The following NELL1 variants were observed in gnomAD, a reference collection of about 807,000 sequenced individuals.
The protein encoded by NELL1 is neural EGFL like 1, also known as protein kinase C-binding protein NELL1.
Under a neutral mutation model 107.4 loss-of-function variants are expected in NELL1, and 76 were observed. The ratio of observed to expected loss-of-function variants is 0.71; its 90% CI spans 0.59 to 0.86. The LOEUF (loss-of-function observed/expected upper bound fraction) is 0.86. NELL1 is among the 40% of genes least tolerant of loss of function. The pLI is 0.00. For synonymous variants in NELL1, 353 were observed against 341.2 expected (o/e 1.03, Z -0.38); for missense variants, 1,024 against 1,005.5 (o/e 1.02, Z -0.25).
chr11:21,449,541 A>G lies in NELL1; in HGVS notation c.1645+78593A>G, dbSNP rs1304585310. On this transcript the variant is annotated intron_variant, in intron 15 of 19. Transcript: ENST00000357134. ...TTTTTATTTTTAACAGTTTCTTTGAAGAGCAGAAGTTTTAATTTTGATAAA... is the reference window on the plus strand; with the variant it reads ...TTTTTATTTTTAACAGTTTCTTTGAGGAGCAGAAGTTTTAATTTTGATAAA... Among the ~76,000 whole-genome samples the G allele has an allele frequency of 3.3e-5, 5 of 152,118 alleles. No homozygotes were observed. In the East Asian group the frequency reaches 7.7e-4, roughly 23 times the overall value.
chr11:21,569,278 ACT>A (rs1418848897), intron 17 of NELL1, among the ~76,000 whole-genome samples: 4 of 151,754 alleles, frequency 2.6e-5, no homozygotes, highest in African/African-American at 9.7e-5. Flanking sequence ...AATTCAATTC[ACT>A]CTTTCTTCAA....
intron 13 of NELL1, among the ~76,000 whole-genome samples, chr11:21,223,831 CT>C (rs1435642205): frequency 6.6e-6 from 1 of 152,138 alleles, no homozygotes; most frequent in Non-Finnish European, 1.5e-5. Flanking sequence ...CTTTGTTAAG[CT>C]TTTCTCGTAG....
intron 12 of NELL1, among the ~76,000 whole-genome samples, chr11:20,975,876 CATACATGTGTATTATATATACAT>C (rs1448775036): frequency 2.4e-5 from 3 of 122,540 alleles, no homozygotes; most frequent in Non-Finnish European, 3.5e-5. Context: ...TATATATACA[CATACATGTGTATTATATATACAT>C]ATATGTGTAT....
chr11:20,960,311 C>A, intron 11 of NELL1, 121 bp from the exon 12 acceptor site: 1 of 1,017,182 alleles, frequency 9.8e-7, no homozygotes, highest in Non-Finnish European at 1.4e-6. Context: ...TTTATCCGTG[C>A]ATACTGCCAA....
rs144875731 is a variant in NELL1, at chr11:20,776,881, G to A, written c.185-6799G>A. Among the ~76,000 whole-genome samples the A allele has an allele frequency of 2.9e-3, 445 of 152,334 alleles. 4 individuals carry two copies. Among genetic ancestry groups the A allele is most frequent in the Middle Eastern group, 3.4e-3 (1 of 294 alleles). ...AGTCAGCTTTGTCTCCACTCGTCAT[G>A]TGACCTTGGGCAAGTCATGAAACCT... On this transcript the variant is annotated intron_variant, in intron 2 of 19. Transcript: ENST00000357134.
chr11:20,916,537 T>C (rs1850260703), intron 5 of NELL1, among the ~76,000 whole-genome samples: 1 of 151,852 alleles, frequency 6.6e-6, no homozygotes, highest in Non-Finnish European at 1.5e-5. Flanking sequence ...CCATGGATGA[T>C]AAAAATAAAA....
At chr11:21,189,136 C>G (rs1401600137) in intron 13 of NELL1, among the ~76,000 whole-genome samples, 2 of 151,846 alleles carry the variant, frequency 1.3e-5, no homozygotes, top group Non-Finnish European at 2.9e-5. Context: ...TCCCTGCTCA[C>G]ATATGTAGCT....
intron 12 of NELL1, among the ~76,000 whole-genome samples, chr11:20,988,617 T>C (rs1219706529): frequency 6.6e-6 from 1 of 151,804 alleles, no homozygotes; most frequent in African/African-American, 2.4e-5. Flanking sequence ...CTTTTTTTTT[T>C]TGAGACGCTG....
At chr11:20,672,582 C>A (rs1042001973) in intron 1 of NELL1, among the ~76,000 whole-genome samples, 1 of 152,146 alleles carries the variant, frequency 6.6e-6, no homozygotes, top group Admixed American at 6.5e-5. Flanking sequence ...CTTGTTATTT[C>A]TGGTTGAGAA....
intron 15 of NELL1, among the ~76,000 whole-genome samples, chr11:21,499,259 A>G (rs1186839537): frequency 6.6e-6 from 1 of 152,036 alleles, no homozygotes; most frequent in Admixed American, 6.6e-5. Flanking sequence ...TGTGTGAAAT[A>G]AGAATCTATT....
At chr11:20,790,831 T>G (rs1027934588) in intron 3 of NELL1, among the ~76,000 whole-genome samples, 1 of 152,188 alleles carries the variant, frequency 6.6e-6, no homozygotes, top group African/African-American at 2.4e-5. Flanking sequence ...AGGCTCCCAG[T>G]GGCTCCACAA....
At position 20,939,143 on chromosome 11, in the gene NELL1, A is replaced by G. The variant is rs116228553; in HGVS notation, c.1071+1284A>G. 9.6e-3 allele frequency among the ~76,000 whole-genome samples: 1,459 copies of G among 152,162 alleles called. 16 individuals carry two copies. Among genetic ancestry groups the G allele is most frequent in the African/African-American group, 0.031 (1,299 of 41,448 alleles). ...GGAAAAGAGATTCAAGAGCTATTTA[A>G]AAAATGGAATTGAAAGGACTCGAGT... On this transcript the variant is annotated intron_variant, in intron 10 of 19. Coordinates refer to ENST00000357134, the MANE Select transcript of NELL1 (RefSeq NM_006157.5).
chr11:20,720,630 G>T (rs1320198160), intron 2 of NELL1, among the ~76,000 whole-genome samples: 1 of 152,254 alleles, frequency 6.6e-6, no homozygotes, highest in East Asian at 1.9e-4. Context: ...CAAAATCAAG[G>T]TATTGGTGGA....
At chr11:21,516,668 C>G (rs1235949658) in intron 15 of NELL1, among the ~76,000 whole-genome samples, 1 of 149,246 alleles carries the variant, frequency 6.7e-6, no homozygotes, top group African/African-American at 2.5e-5. Context: ...AGAAAAGGTA[C>G]AGTAAAAATA....
At chr11:20,693,919 A>T (rs1055409901) in intron 2 of NELL1, among the ~76,000 whole-genome samples, 3 of 152,150 alleles carry the variant, frequency 2.0e-5, no homozygotes, top group Non-Finnish European at 2.9e-5. Flanking sequence ...ACTTTCAGGT[A>T]CACCAATCAG....
chr11:20,791,972 T>C (rs1449124696), intron 3 of NELL1, among the ~76,000 whole-genome samples: 2 of 152,258 alleles, frequency 1.3e-5, no homozygotes, highest in South Asian at 2.1e-4. Context: ...TCCACTTGGC[T>C]ATGTTCCATA....
chr11:21,492,890 TATAATA>T (rs375172796), intron 15 of NELL1, among the ~76,000 whole-genome samples: 14 of 151,414 alleles, frequency 9.2e-5, no homozygotes, highest in African/African-American at 2.7e-4. Flanking sequence ...AAACTTAAAG[TATAATA>T]ATAATAATAA....
chr11:21,522,431 G>A (rs1855750079), intron 15 of NELL1, among the ~76,000 whole-genome samples: 1 of 152,142 alleles, frequency 6.6e-6, no homozygotes, highest in Non-Finnish European at 1.5e-5. Flanking sequence ...TGAAACTGGA[G>A]GCCATTGTCC....
chr11:21,054,902 A>G (rs953146147), intron 12 of NELL1, among the ~76,000 whole-genome samples: 1 of 152,042 alleles, frequency 6.6e-6, no homozygotes, highest in Non-Finnish European at 1.5e-5. Flanking sequence ...GATTTATGTC[A>G]TACCCTTAAA....
Sources: allele counts gnomAD v4.1 joint callset (sites outside exome capture counted in the v4.1 genomes callset), GRCh38; gene constraint gnomAD v4.1.1; transcripts MANE v1.5; gene names NCBI Gene and HGNC (gene_info 2026-07-23, HGNC 2026-07-21).